The following RIMS2 variants were observed in gnomAD, a reference collection of about 807,000 sequenced individuals.
RIMS2 encodes the protein regulating synaptic membrane exocytosis protein 2.
Under a neutral mutation model 174.4 loss-of-function variants are expected in RIMS2, and 59 were observed. The observed-to-expected ratio is 0.34, with a 90% CI of 0.27 to 0.42. The LOEUF is 0.42. RIMS2 is among the 10% of genes least tolerant of loss of function. The probability of loss-of-function intolerance (pLI) is 1.00; values close to 1 mark genes in which losing one functional copy is unlikely to be tolerated. For synonymous variants in RIMS2, 606 were observed against 572.5 expected (o/e 1.06, Z -0.84); for missense variants, 1,620 against 1,666.3 (o/e 0.97, Z 0.48).
rs117687283 is a variant in RIMS2, at chr8:103,633,727, C to T, written c.177-63359C>T. 2.4e-3 allele frequency among the ~76,000 whole-genome samples: 370 copies of T among 152,128 alleles called. 6 individuals are homozygous for T. Among genetic ancestry groups the T allele is most frequent in the East Asian group, 0.022 (115 of 5,164 alleles). Reference sequence around the variant, plus strand: ...TTTTGGAGCTCATTATTGGTCCATTCGGGGAATCAGTTTCTTCCTGGCTCT... The same window carrying T: ...TTTTGGAGCTCATTATTGGTCCATTTGGGGAATCAGTTTCTTCCTGGCTCT... On this transcript the variant is annotated intron_variant, in intron 1 of 23. Coordinates refer to ENST00000504942, the Ensembl canonical transcript of RIMS2.
chr8:104,069,750 C>T (rs1392885773), intron 19 of RIMS2, among the ~76,000 whole-genome samples: 1 of 152,136 alleles, frequency 6.6e-6, no homozygotes, highest in Non-Finnish European at 1.5e-5. Flanking sequence ...CAAGCGTGAG[C>T]CACTGCGCCC....
chr8:104,088,842 T>G (rs993313690), intron 19 of RIMS2, among the ~76,000 whole-genome samples: 3 of 152,046 alleles, frequency 2.0e-5, no homozygotes, highest in Non-Finnish European at 4.4e-5. Context: ...TATATCATTC[T>G]GACACTTCAA....
intron 15 of RIMS2, among the ~76,000 whole-genome samples, chr8:103,972,807 G>T (rs2093026687): frequency 6.6e-6 from 1 of 152,002 alleles, no homozygotes; most frequent in Non-Finnish European, 1.5e-5. Context: ...ATTGCAAAAT[G>T]CCCTCCTCTT....
intron 21 of RIMS2, 75 bp downstream of exon 27, chr8:104,248,888 ATCT>A: frequency 1.6e-6 from 1 of 640,056 alleles, no homozygotes; most frequent in Non-Finnish European, 2.7e-6. Context: ...ATTTCATAGA[ATCT>A]TCTCTCTCTC....
At chr8:104,022,328 A>G (rs2096120836) in intron 19 of RIMS2, among the ~76,000 whole-genome samples, 1 of 152,140 alleles carries the variant, frequency 6.6e-6, no homozygotes, top group African/African-American at 2.4e-5. Context: ...AGGAATGATT[A>G]AAGACAGCTT....
At chr8:104,134,390 G>T (rs1296728313) in intron 19 of RIMS2, among the ~76,000 whole-genome samples, 1 of 152,152 alleles carries the variant, frequency 6.6e-6, no homozygotes, top group Non-Finnish European at 1.5e-5. Context: ...GCTTGAACCC[G>T]GGAGGCGGAG....
At chr8:104,168,097 T>C (rs1415798830) in intron 19 of RIMS2, among the ~76,000 whole-genome samples, 2 of 152,102 alleles carry the variant, frequency 1.3e-5, no homozygotes, top group African/African-American at 2.4e-5. Flanking sequence ...AGTTGTGTAA[T>C]GTGATGCCTC....
intron 13 of RIMS2, among the ~76,000 whole-genome samples, chr8:103,940,699 A>C (rs2082325410): frequency 6.6e-6 from 1 of 151,942 alleles, no homozygotes; most frequent in African/African-American, 2.4e-5. Flanking sequence ...AGTGTGGCAA[A>C]AACCTGTCTC....
chr8:103,712,478 C>A lies in RIMS2; in HGVS notation c.387+15182C>A, dbSNP rs540961897. On this transcript the variant is annotated intron_variant, in intron 2 of 23. Transcript: ENST00000504942. ...AAGCTGCTTTTGGTATCCACTTGTT[C>A]CTAATCTCTTGGTGTCAAGGATACT... is the stretch of plus-strand genomic sequence containing the variant. 2.0e-5 allele frequency among the ~76,000 whole-genome samples: 3 copies of A among 152,144 alleles called. No individual in the cohort carries two copies. The East Asian group carries it at 5.8e-4, about 29-fold the overall frequency.
intron 1 of RIMS2, among the ~76,000 whole-genome samples, chr8:103,554,904 AT>A (rs1849719744): frequency 6.6e-6 from 1 of 152,220 alleles, no homozygotes; most frequent in Non-Finnish European, 1.5e-5. Context: ...GCTGGAGGCC[AT>A]AATCCCAAGT....
chr8:103,688,396 T>A, intron 1 of RIMS2, among the ~76,000 whole-genome samples: 1 of 152,132 alleles, frequency 6.6e-6, no homozygotes. Context: ...TGTATCACAT[T>A]GATAGAATTG....
chr8:104,120,760 A>G (rs554614077), intron 19 of RIMS2, among the ~76,000 whole-genome samples: 1 of 152,310 alleles, frequency 6.6e-6, no homozygotes, highest in African/African-American at 2.4e-5. Flanking sequence ...AAAAAAGGAA[A>G]AAAAATTAGG....
intron 10 of RIMS2, among the ~76,000 whole-genome samples, chr8:103,924,471 G>A (rs1294379493): frequency 6.6e-6 from 1 of 151,540 alleles, no homozygotes; most frequent in Non-Finnish European, 1.5e-5. Context: ...CTCTAATGAT[G>A]TAGAGGTTGG....
intron 3 of RIMS2, among the ~76,000 whole-genome samples, chr8:103,788,176 A>G (rs201417444): frequency 0.15 from 21,479 of 146,156 alleles, 1,611 homozygotes; most frequent in Middle Eastern, 0.24. Flanking sequence ...ATTCTTCTAA[A>G]TTTTTTTCAA....
chr8:103,953,877 A>G (rs1264699865), intron 14 of RIMS2, among the ~76,000 whole-genome samples: 2 of 152,126 alleles, frequency 1.3e-5, no homozygotes, highest in Non-Finnish European at 2.9e-5. Context: ...GCAGAGACAC[A>G]TATAGGCTCA....
intron 19 of RIMS2, among the ~76,000 whole-genome samples, chr8:104,040,446 G>A (rs1368113947): frequency 6.6e-6 from 1 of 151,566 alleles, no homozygotes; most frequent in Admixed American, 6.6e-5. Context: ...CCAAGTCACT[G>A]TATAAAATGT....
At chr8:103,907,835 T>C (rs971363898) in intron 4 of RIMS2, among the ~76,000 whole-genome samples, 5 of 151,230 alleles carry the variant, frequency 3.3e-5, no homozygotes, top group African/African-American at 1.2e-4. Flanking sequence ...AAGTTCCGCC[T>C]CCCGGGTTCA....
chr8:103,871,992 A>G (rs946353085), intron 3 of RIMS2, among the ~76,000 whole-genome samples: 4 of 152,102 alleles, frequency 2.6e-5, no homozygotes, highest in Admixed American at 2.6e-4. Flanking sequence ...CCCATTGCAC[A>G]TTTTTTTCTA....
At chr8:104,072,196 A>T (rs2097208214) in intron 19 of RIMS2, among the ~76,000 whole-genome samples, 1 of 152,178 alleles carries the variant, frequency 6.6e-6, no homozygotes, top group African/African-American at 2.4e-5. Flanking sequence ...TGTCAAAGAG[A>T]AAGTTACAGA....
Sources: gnomAD v4.1 joint callset for allele counts (sites outside exome capture counted in the v4.1 genomes callset) on GRCh38, gnomAD v4.1.1 for gene constraint, MANE v1.5 for transcripts, NCBI Gene and HGNC (gene_info 2026-07-23, HGNC 2026-07-21) for gene names.